Variants in DRC11 observed in about 807,000 individuals in gnomAD.
The protein encoded by DRC11 is dynein regulatory complex subunit 11, also known as IQ and AAA domain-containing protein 1.
the DRC11 span, among the ~76,000 whole-genome samples, chr2:236,313,468 G>T: frequency 2.0e-5 from 3 of 152,144 alleles, no homozygotes; most frequent in African/African-American, 7.2e-5. This position sits in a 1 kb window ranked among gnomAD's most constrained non-coding sequence, Gnocchi z 4.5. Context: ...AATGTAAAAT[G>T]GTACTACCAT....
At chr2:236,363,313 G>A in the DRC11 span, among the ~76,000 whole-genome samples, 34 of 152,336 alleles carry the variant, frequency 2.2e-4, 1 homozygote, top group African/African-American at 6.5e-4. The surrounding 1 kb of genome is among the most constrained non-coding windows in gnomAD (Gnocchi z 5.6). Flanking sequence ...ATATCAGCAC[G>A]TCTTTACATT....
At chr2:236,363,639 A>G in the DRC11 span, 3 of 701,220 alleles carry the variant, frequency 4.3e-6, no homozygotes, top group Admixed American at 2.6e-5. This position sits in a 1 kb window ranked among gnomAD's most constrained non-coding sequence, Gnocchi z 5.6. Flanking sequence ...GCCATACGCA[A>G]TAATGAAGTA....
chr2:236,401,341 GTCC>G, the DRC11 span, among the ~76,000 whole-genome samples: 1 of 152,084 alleles, frequency 6.6e-6, no homozygotes, highest in Non-Finnish European at 1.5e-5. This position sits in a 1 kb window ranked among gnomAD's most constrained non-coding sequence, Gnocchi z 4.6. Context: ...CAGACCTCCC[GTCC>G]TCCTGAAATC....
the DRC11 span, among the ~76,000 whole-genome samples, chr2:236,405,758 C>G: frequency 6.6e-6 from 1 of 152,192 alleles, no homozygotes; most frequent in Non-Finnish European, 1.5e-5. This position sits in a 1 kb window ranked among gnomAD's most constrained non-coding sequence, Gnocchi z 4.6. Context: ...ATCGTACCAA[C>G]CACTACATAC....
chr2:236,473,625 A>G, the DRC11 span, among the ~76,000 whole-genome samples: 1 of 152,208 alleles, frequency 6.6e-6, no homozygotes, highest in African/African-American at 2.4e-5. This position sits in a 1 kb window ranked among gnomAD's most constrained non-coding sequence, Gnocchi z 4.8. Context: ...TTTCAAAGGG[A>G]TCCACAAAAT....
the DRC11 span, among the ~76,000 whole-genome samples, chr2:236,481,652 T>C: frequency 6.6e-6 from 1 of 152,066 alleles, no homozygotes; most frequent in South Asian, 2.1e-4. Context: ...CAAAGTAAAA[T>C]TTGACTATTT....
At chr2:236,435,861 A>T in the DRC11 span, among the ~76,000 whole-genome samples, 1 of 152,246 alleles carries the variant, frequency 6.6e-6, no homozygotes, top group African/African-American at 2.4e-5. Context: ...TTACAAAAAA[A>T]GGATGTTGAC....
At chr2:236,384,921 C>G in the DRC11 span, among the ~76,000 whole-genome samples, 1 of 151,554 alleles carries the variant, frequency 6.6e-6, no homozygotes, top group Non-Finnish European at 1.5e-5. Flanking sequence ...ATAGGGAATC[C>G]TTTCCCCATT....
the DRC11 span, among the ~76,000 whole-genome samples, chr2:236,473,798 T>C: frequency 6.6e-6 from 1 of 152,072 alleles, no homozygotes; most frequent in Non-Finnish European, 1.5e-5. The surrounding 1 kb of genome is among the most constrained non-coding windows in gnomAD (Gnocchi z 4.8). Flanking sequence ...AAAAAATTTA[T>C]ATGACAATGG....
chr2:236,372,060 C>G, the DRC11 span, among the ~76,000 whole-genome samples: 1 of 152,058 alleles, frequency 6.6e-6, no homozygotes, highest in Non-Finnish European at 1.5e-5. The surrounding 1 kb of genome is among the most constrained non-coding windows in gnomAD (Gnocchi z 4.5). Flanking sequence ...ACGTCTAAAC[C>G]CTTTTCCCGT....
chr2:236,472,688 C>T, the DRC11 span, among the ~76,000 whole-genome samples: 1 of 152,166 alleles, frequency 6.6e-6, no homozygotes, highest in Non-Finnish European at 1.5e-5. This position sits in a 1 kb window ranked among gnomAD's most constrained non-coding sequence, Gnocchi z 4.6. Flanking sequence ...GACCATTTTC[C>T]TTCAATCTGT....
At chr2:236,365,951 G>A in the DRC11 span, among the ~76,000 whole-genome samples, 3 of 152,138 alleles carry the variant, frequency 2.0e-5, no homozygotes, top group Admixed American at 2.0e-4. The surrounding 1 kb of genome is among the most constrained non-coding windows in gnomAD (Gnocchi z 7.4). Context: ...GGAGGCCAGT[G>A]TTCTCTGTCC....
the DRC11 span, among the ~76,000 whole-genome samples, chr2:236,398,557 A>G: frequency 6.6e-6 from 1 of 152,188 alleles, no homozygotes; most frequent in Non-Finnish European, 1.5e-5. This position sits in a 1 kb window ranked among gnomAD's most constrained non-coding sequence, Gnocchi z 6.2. Context: ...AGAAACTTCC[A>G]CACTAGCACT....
At chr2:236,480,310 T>C in the DRC11 span, among the ~76,000 whole-genome samples, 2 of 152,288 alleles carry the variant, frequency 1.3e-5, no homozygotes, top group East Asian at 1.9e-4. Flanking sequence ...TCTGTTATTA[T>C]TTATTTGAAT....
the DRC11 span, among the ~76,000 whole-genome samples, chr2:236,474,673 A>C: frequency 6.6e-6 from 1 of 152,152 alleles, no homozygotes; most frequent in Non-Finnish European, 1.5e-5. Context: ...TTCTATATCC[A>C]TGTGTATTTT....
the DRC11 span, among the ~76,000 whole-genome samples, chr2:236,471,822 A>G: frequency 0.19 from 28,608 of 152,122 alleles, 2,999 homozygotes; most frequent in Middle Eastern, 0.27. This position sits in a 1 kb window ranked among gnomAD's most constrained non-coding sequence, Gnocchi z 4.6. Context: ...CTTGACCTTA[A>G]CGGCTTTAAT....
the DRC11 span, among the ~76,000 whole-genome samples, chr2:236,349,829 G>A: frequency 1.6e-4 from 24 of 152,096 alleles, no homozygotes; most frequent in African/African-American, 5.6e-4. This position sits in a 1 kb window ranked among gnomAD's most constrained non-coding sequence, Gnocchi z 5.5. Flanking sequence ...CCTGTGACAC[G>A]AGTTTACCTA....
chr2:236,323,070 A>C, the DRC11 span, among the ~76,000 whole-genome samples: 1 of 152,262 alleles, frequency 6.6e-6, no homozygotes, highest in Non-Finnish European at 1.5e-5. This position sits in a 1 kb window ranked among gnomAD's most constrained non-coding sequence, Gnocchi z 6.4. Context: ...CGTGAAACTA[A>C]GACCAAGTGA....
chr2:236,354,790 G>A, the DRC11 span, among the ~76,000 whole-genome samples: 9 of 152,096 alleles, frequency 5.9e-5, no homozygotes, highest in Non-Finnish European at 1.0e-4. Context: ...CACAGTGCCC[G>A]GGGCCTCCAC....
Sources: gnomAD v4.1 joint callset for allele counts (sites outside exome capture counted in the v4.1 genomes callset) on GRCh38, gnomAD v4.1.1 for gene constraint, Gnocchi (gnomAD v3.1) non-coding constraint, MANE v1.5 for transcripts, NCBI Gene and HGNC (gene_info 2026-07-23, HGNC 2026-07-21) for gene names.